The following ZNF69 variants were observed in gnomAD, a reference collection of about 807,000 sequenced individuals.
The protein encoded by ZNF69 is ZNF3.
ZNF69 carries 47 observed loss-of-function variants against 50.9 expected under a neutral mutation model. The observed-to-expected ratio is 0.92, with a 90% CI of 0.73 to 1.18. The LOEUF (loss-of-function observed/expected upper bound fraction) is 1.18. Ranked by LOEUF, ZNF69 falls within the 50% of genes most tolerant of loss-of-function variation. The probability of loss-of-function intolerance (pLI) is 0.00; values close to 1 mark genes in which losing one functional copy is unlikely to be tolerated. For synonymous variants in ZNF69, 216 were observed against 223.1 expected, an observed-to-expected ratio of 0.97 and a Z score of 0.29; for missense variants, 717 against 675.1, an observed-to-expected ratio of 1.06 and a Z score of -0.69.
the ZNF69 span, among the ~76,000 whole-genome samples, chr19:11,959,672 G>C: frequency 2.6e-5 from 4 of 152,182 alleles, no homozygotes; most frequent in African/African-American, 9.7e-5. Context: ...GTTGGTTCAA[G>C]TCTATCTTTT....
At chr19:11,895,998 A>T (rs1977216495) in intron 1 of ZNF69, among the ~76,000 whole-genome samples, 1 of 151,942 alleles carries the variant, frequency 6.6e-6, no homozygotes, top group African/African-American at 2.4e-5. Context: ...GGCGGGCGGA[A>T]CACCCGAGGT....
intron 4 of ZNF69, chr19:11,913,322 T>A (rs1055643514): frequency 9.2e-6 from 5 of 543,948 alleles, no homozygotes; most frequent in African/African-American, 8.0e-5. Context: ...CCAGGCATCT[T>A]TTTTTTTTCG....
chr19:11,927,431 TAAATAAA>T, the ZNF69 span, among the ~76,000 whole-genome samples: 1 of 123,468 alleles, frequency 8.1e-6, no homozygotes, highest in African/African-American at 4.2e-5. Context: ...TTTAAATAAA[TAAATAAA>T]TAAATAAATA....
the ZNF69 span, among the ~76,000 whole-genome samples, chr19:11,957,168 T>G: frequency 1.2e-3 from 179 of 151,422 alleles, no homozygotes; most frequent in Non-Finnish European, 2.1e-3. Context: ...CTCAGCTCAC[T>G]GCAACCTCCA....
the ZNF69 span, among the ~76,000 whole-genome samples, chr19:11,951,252 A>G: frequency 7.7e-6 from 1 of 130,318 alleles, no homozygotes; most frequent in African/African-American, 3.0e-5. Context: ...TTTTTTTCTG[A>G]TAGTCTCATT....
chr19:11,977,028 G>A, the ZNF69 span: 4 of 1,614,120 alleles, frequency 2.5e-6, no homozygotes, highest in African/African-American at 1.3e-5. Context: ...ACACATGTGA[G>A]ATGTTTCAGG....
At chr19:11,915,177 C>T (rs1229732576), downstream of ZNF69, among the ~76,000 whole-genome samples, 2 of 152,144 alleles carry the variant, frequency 1.3e-5, no homozygotes, top group East Asian at 3.9e-4. Flanking sequence ...CACCCTGCAG[C>T]CTAGTCGACA....
chr19:11,894,262 C>T (rs951902301), intron 1 of ZNF69, among the ~76,000 whole-genome samples: 5 of 152,106 alleles, frequency 3.3e-5, no homozygotes, highest in African/African-American at 4.8e-5. Flanking sequence ...CTCCGCCTCC[C>T]GGGTTCATGC....
chr19:11,925,292 A>C, the ZNF69 span: 8 of 1,610,266 alleles, frequency 5.0e-6, no homozygotes, highest in Non-Finnish European at 6.8e-6. Flanking sequence ...GCGGGACCAG[A>C]TGTCGTGAGA....
chr19:11,909,786 C>G (rs1012067864), downstream of ZNF69, among the ~76,000 whole-genome samples: 2 of 151,774 alleles, frequency 1.3e-5, no homozygotes, highest in Non-Finnish European at 2.9e-5. Context: ...TCTCTCACCA[C>G]TCCTATTCAA....
chr19:11,910,422 T>C (rs1972440975), downstream of ZNF69, among the ~76,000 whole-genome samples: 2 of 152,284 alleles, frequency 1.3e-5, no homozygotes, highest in South Asian at 4.1e-4. Flanking sequence ...CTTCAAACTA[T>C]ACTACAAGGC....
chr19:11,966,142 G>C, the ZNF69 span, among the ~76,000 whole-genome samples: 1 of 152,198 alleles, frequency 6.6e-6, no homozygotes, highest in East Asian at 1.9e-4. Context: ...CTTAGGTCTT[G>C]TTTGTAATTT....
chr19:11,947,159 C>T, the ZNF69 span: 8 of 1,611,216 alleles, frequency 5.0e-6, no homozygotes, highest in Non-Finnish European at 6.8e-6. Context: ...CCATCTTCCT[C>T]TACACATGTG....
the ZNF69 span, among the ~76,000 whole-genome samples, chr19:11,973,618 C>T: frequency 2.0e-5 from 3 of 152,134 alleles, no homozygotes; most frequent in African/African-American, 7.2e-5. Flanking sequence ...TGTGATGCCT[C>T]ATCCCTGAAT....
At chr19:11,977,793 G>A in the ZNF69 span, among the ~76,000 whole-genome samples, 1 of 152,182 alleles carries the variant, frequency 6.6e-6, no homozygotes, top group South Asian at 2.1e-4. Flanking sequence ...AGGAGTTAAA[G>A]GCTGTGGTAA....
the ZNF69 span, among the ~76,000 whole-genome samples, chr19:11,968,513 AT>A: frequency 6.6e-6 from 1 of 152,180 alleles, no homozygotes; most frequent in Non-Finnish European, 1.5e-5. Flanking sequence ...AAGTGCTGGG[AT>A]TATAGACATG....
chr19:11,971,838 T>C, the ZNF69 span, among the ~76,000 whole-genome samples: 1 of 152,144 alleles, frequency 6.6e-6, no homozygotes, highest in Non-Finnish European at 1.5e-5. Flanking sequence ...CCAATGTGGA[T>C]GGATAGCCTC....
At chr19:11,979,215 C>CTT in the ZNF69 span, 10 of 1,611,704 alleles carry the variant, frequency 6.2e-6, no homozygotes, top group South Asian at 1.1e-4. Flanking sequence ...GTGGTAAAGC[C>CTT]TTCAATCTTT....
intron 1 of ZNF69, among the ~76,000 whole-genome samples, chr19:11,899,207 T>A (rs1455929631): frequency 6.6e-6 from 1 of 152,240 alleles, no homozygotes; most frequent in African/African-American, 2.4e-5. Context: ...AATGATGCTG[T>A]AAGTGGCCAT....
Sources: allele counts gnomAD v4.1 joint callset (sites outside exome capture counted in the v4.1 genomes callset), GRCh38; gene constraint gnomAD v4.1.1; transcripts MANE v1.5; gene names NCBI Gene and HGNC (gene_info 2026-07-23, HGNC 2026-07-21).